Variants in GPD2 observed in about 807,000 individuals in gnomAD.
The protein encoded by GPD2 is glycerol-3-phosphate dehydrogenase 2.
A neutral mutation model predicts 82.4 loss-of-function variants in GPD2; 54 were observed. That is an observed-to-expected ratio of 0.66 (90% CI 0.53 to 0.82). GPD2 has a LOEUF of 0.82. Ranked by LOEUF, GPD2 falls within the 40% of genes least tolerant of loss-of-function variation. The probability of loss-of-function intolerance (pLI) is 0.00; values close to 1 mark genes in which losing one functional copy is unlikely to be tolerated. For synonymous variants in GPD2, 288 were observed against 306.1 expected, an observed-to-expected ratio of 0.94 and a Z score of 0.62; for missense variants, 748 against 896.2, an observed-to-expected ratio of 0.83 and a Z score of 2.11.
intron 6 of GPD2, among the ~76,000 whole-genome samples, chr2:156,546,017 G>A (rs1008449385): frequency 2.0e-5 from 3 of 152,106 alleles, no homozygotes; most frequent in African/African-American, 7.2e-5. Context: ...ATTCTTTTTG[G>A]TGGGTAGATT....
intron 13 of GPD2, 48 bp downstream of exon 13, chr2:156,571,340 A>C: frequency 8.6e-7 from 1 of 1,161,796 alleles, no homozygotes; most frequent in Non-Finnish European, 1.2e-6. Flanking sequence ...GTAAACGCGG[A>C]ATGGCTTAAT....
intron 1 of GPD2, among the ~76,000 whole-genome samples, chr2:156,455,799 A>T (rs1682771350): frequency 6.6e-6 from 1 of 152,182 alleles, no homozygotes; most frequent in Non-Finnish European, 1.5e-5. Flanking sequence ...TTAGTTTTTT[A>T]AAGGCAGAAA....
intron 9 of GPD2, among the ~76,000 whole-genome samples, chr2:156,566,021 G>T (rs1387134026): frequency 6.6e-6 from 1 of 152,022 alleles, no homozygotes; most frequent in Non-Finnish European, 1.5e-5. Flanking sequence ...CTGAAATCCA[G>T]CCCTGCCCTC....
At chr2:156,472,385 G>A (rs298263) in intron 1 of GPD2, among the ~76,000 whole-genome samples, 138,391 of 152,178 alleles carry the variant, frequency 0.91, 64,052 homozygotes, top group South Asian at 1. Context: ...CAGTGGCGCA[G>A]TCTCGGCTCA....
chr2:156,557,082 A>G (rs1686990327), intron 8 of GPD2, among the ~76,000 whole-genome samples: 1 of 152,218 alleles, frequency 6.6e-6, no homozygotes, highest in Non-Finnish European at 1.5e-5. Context: ...TCCAAGGAGT[A>G]TGAAACTCAA....
chr2:156,519,049 C>T (rs976293379), intron 6 of GPD2, among the ~76,000 whole-genome samples: 2 of 152,028 alleles, frequency 1.3e-5, no homozygotes, highest in Admixed American at 6.5e-5. Context: ...ACTTCTACTT[C>T]GATATGTTTT....
At chr2:156,505,872 A>T (rs963897033) in intron 3 of GPD2, among the ~76,000 whole-genome samples, 1 of 152,162 alleles carries the variant, frequency 6.6e-6, no homozygotes, top group Non-Finnish European at 1.5e-5. Flanking sequence ...AGAAAACTGA[A>T]CTCTTAATTT....
chr2:156,527,398 A>ATACT (rs1338958150), intron 6 of GPD2, among the ~76,000 whole-genome samples: 2 of 152,146 alleles, frequency 1.3e-5, no homozygotes, highest in African/African-American at 4.8e-5. Flanking sequence ...ATTACTATTA[A>ATACT]TACTTACTCA....
chr2:156,421,846 T>G, the GPD2 span, among the ~76,000 whole-genome samples: 1 of 152,156 alleles, frequency 6.6e-6, no homozygotes, highest in Non-Finnish European at 1.5e-5. Context: ...AGTATTTAAG[T>G]CAGGTGCAGG....
At chr2:156,582,492 A>AAC (rs1156770067) in intron 16 of GPD2, among the ~76,000 whole-genome samples, 10 of 151,696 alleles carry the variant, frequency 6.6e-5, no homozygotes, top group African/African-American at 2.4e-4. Context: ...GCTAAAAAAA[A>AAC]AAAAAAAAGT....
At chr2:156,549,823 A>G (rs765982394) in intron 7 of GPD2, 51 bp downstream of exon 7, 4 of 1,288,178 alleles carry the variant, frequency 3.1e-6, no homozygotes, top group Non-Finnish European at 4.5e-6. Flanking sequence ...TGCCTAGCTT[A>G]TATAATGACT....
Position 156,442,038 on chromosome 2 carries a change from A to G in GPD2, c.-9+5525A>G, listed in dbSNP as rs370728540. 5.9e-5 allele frequency among the ~76,000 whole-genome samples: 9 copies of G among 152,134 alleles called. No individual in the cohort carries two copies. In the South Asian group the frequency reaches 1.7e-3, roughly 28 times the overall value. On this transcript the variant is annotated intron_variant, in intron 1 of 16. Coordinates refer to ENST00000438166, the MANE Select transcript of GPD2 (RefSeq NM_000408.5). ...AAAGTCTGGGTACTTTAGAACAATG[A>G]TTGTTTGATTTAGATTTTTCAAGCC...
intron 2 of GPD2, among the ~76,000 whole-genome samples, chr2:156,477,082 G>A (rs1420958023): frequency 1.3e-5 from 2 of 152,174 alleles, no homozygotes; most frequent in Non-Finnish European, 2.9e-5. Context: ...CTACAAGGTG[G>A]TGGAGCCAGG....
intron 6 of GPD2, among the ~76,000 whole-genome samples, chr2:156,543,555 G>A (rs1185139930): frequency 1.3e-5 from 2 of 152,190 alleles, no homozygotes; most frequent in Non-Finnish European, 2.9e-5. Flanking sequence ...AAAATAGCTT[G>A]TGCTGTAATA....
chr2:156,450,955 T>C (rs1682537448), intron 1 of GPD2, among the ~76,000 whole-genome samples: 1 of 133,722 alleles, frequency 7.5e-6, no homozygotes, highest in Non-Finnish European at 1.6e-5. Context: ...ACACAGCACA[T>C]GTTTCAGAGA....
chr2:156,451,194 G>T (rs1682552164), intron 1 of GPD2, among the ~76,000 whole-genome samples: 1 of 152,088 alleles, frequency 6.6e-6, no homozygotes, highest in African/African-American at 2.4e-5. Context: ...CTCCCAGACG[G>T]GGTGGTGGCC....
At chr2:156,536,328 T>C (rs1686078742) in intron 6 of GPD2, among the ~76,000 whole-genome samples, 1 of 152,198 alleles carries the variant, frequency 6.6e-6, no homozygotes, top group African/African-American at 2.4e-5. Flanking sequence ...TGCCCTCTCC[T>C]TAAGGTGAGT....
chr2:156,418,710 C>A, the GPD2 span, among the ~76,000 whole-genome samples: 1 of 151,890 alleles, frequency 6.6e-6, no homozygotes, highest in Non-Finnish European at 1.5e-5. Flanking sequence ...ACCCAAGCAC[C>A]GTGATTCCAA....
intron 6 of GPD2, among the ~76,000 whole-genome samples, chr2:156,516,210 C>T (rs181810454): frequency 1.4e-3 from 209 of 152,190 alleles, no homozygotes; most frequent in Non-Finnish European, 2.6e-3. Context: ...CATAAATCAC[C>T]ATGATGAGAA....
Sources: allele counts gnomAD v4.1 joint callset (sites outside exome capture counted in the v4.1 genomes callset), GRCh38; gene constraint gnomAD v4.1.1; transcripts MANE v1.5; gene names NCBI Gene and HGNC (gene_info 2026-07-23, HGNC 2026-07-21).